The following GAB1 variants were observed in gnomAD, a reference collection of about 807,000 sequenced individuals.
The protein encoded by GAB1 is GRB2 associated binding protein 1.
A neutral mutation model predicts 66.5 loss-of-function variants in GAB1; 19 were observed. The ratio of observed to expected loss-of-function variants is 0.29; its 90% CI spans 0.20 to 0.42. The LOEUF (loss-of-function observed/expected upper bound fraction) is 0.42, where lower values mean the gene tolerates loss of function less well. Ranked by LOEUF, GAB1 falls within the 10% of genes least tolerant of loss-of-function variation. The probability of loss-of-function intolerance (pLI) is 1.00; values close to 1 mark genes in which losing one functional copy is unlikely to be tolerated. For synonymous variants in GAB1, 294 were observed against 301.4 expected (o/e 0.98, Z 0.25); for missense variants, 732 against 858.5 (o/e 0.85, Z 1.84).
In GAB1 at chr4:143,349,493, A is replaced by C; in HGVS notation, c.72+12233A>C. On this transcript the variant is annotated intron_variant, in intron 1 of 9. Coordinates refer to ENST00000262994, the MANE Select transcript of GAB1 (RefSeq NM_002039.4). ...GTGCAGCCCTGGGCTGGGGTGTAGC[A>C]GTCATCGATACCAGCCATCATGAGC... The C allele has an allele frequency of 4.6e-6, 7 of 1,527,170 alleles. No individual in the cohort carries two copies. The South Asian group carries it at 7.8e-5, about 17-fold the overall frequency. 94.6% of individuals were successfully genotyped at this position (1,527,170 alleles called of 1,614,324 possible). A position where few individuals can be genotyped will look rare whatever the true frequency, so the allele number is the denominator to read the frequency against.
chr4:143,363,236 C>A (rs1321550000), intron 1 of GAB1, among the ~76,000 whole-genome samples: 2 of 152,198 alleles, frequency 1.3e-5, no homozygotes, highest in East Asian at 3.8e-4. Flanking sequence ...TGCATTGTTT[C>A]TCTTAATAAT....
intron 2 of GAB1, among the ~76,000 whole-genome samples, chr4:143,422,380 T>G (rs1410837841): frequency 1.3e-5 from 2 of 152,068 alleles, no homozygotes; most frequent in Non-Finnish European, 2.9e-5. Flanking sequence ...TCAGAGAAAA[T>G]AAATGTATTT....
chr4:143,447,747 A>T (rs1388330477), intron 6 of GAB1, among the ~76,000 whole-genome samples: 1 of 152,084 alleles, frequency 6.6e-6, no homozygotes, highest in Non-Finnish European at 1.5e-5. Flanking sequence ...GGACAATTTG[A>T]CTTCCTCTTT....
intron 1 of GAB1, among the ~76,000 whole-genome samples, chr4:143,356,582 T>A (rs1300426352): frequency 6.6e-6 from 1 of 152,142 alleles, no homozygotes; most frequent in African/African-American, 2.4e-5. Context: ...CCTAACTGCT[T>A]ATTTTAAATT....
At chr4:143,460,058 A>C (rs1735406001) in intron 7 of GAB1, among the ~76,000 whole-genome samples, 1 of 152,126 alleles carries the variant, frequency 6.6e-6, no homozygotes, top group South Asian at 2.1e-4. Flanking sequence ...TTTTAAAAAA[A>C]TAGAAATTCT....
At chr4:143,411,380 A>G (rs3805238) in intron 1 of GAB1, among the ~76,000 whole-genome samples, 46,740 of 152,184 alleles carry the variant, frequency 0.31, 7,522 homozygotes, top group South Asian at 0.46. Flanking sequence ...AAGTTTTTAC[A>G]TAGTCCTTCT....
At chr4:143,409,255 C>T (rs932182045) in intron 1 of GAB1, among the ~76,000 whole-genome samples, 3 of 152,044 alleles carry the variant, frequency 2.0e-5, no homozygotes, top group Non-Finnish European at 2.9e-5. Context: ...AAACAAGGAC[C>T]ATGTGGGTGC....
intron 1 of GAB1, among the ~76,000 whole-genome samples, chr4:143,368,832 T>C (rs1384038887): frequency 6.6e-6 from 1 of 152,140 alleles, no homozygotes; most frequent in Non-Finnish European, 1.5e-5. Flanking sequence ...AGATAGAGGC[T>C]GGAGCACTAT....
chr4:143,380,853 T>C (rs1051366413), intron 1 of GAB1: 3 of 152,248 alleles, frequency 2.0e-5, no homozygotes, highest in African/African-American at 7.2e-5. Flanking sequence ...GCAGCAGCGC[T>C]GAGTGTATGC....
At chr4:143,416,499 A>C (rs1041287388) in intron 2 of GAB1, among the ~76,000 whole-genome samples, 2 of 152,108 alleles carry the variant, frequency 1.3e-5, no homozygotes, top group Non-Finnish European at 2.9e-5. Flanking sequence ...GGCCGGGCAC[A>C]GTGGCTCACA....
chr4:143,373,697 C>T (rs1029564441), intron 1 of GAB1, among the ~76,000 whole-genome samples: 6 of 151,542 alleles, frequency 4.0e-5, no homozygotes, highest in African/African-American at 1.5e-4. Context: ...GCCATGGTGG[C>T]ATGCGCCTGT....
intron 1 of GAB1, among the ~76,000 whole-genome samples, chr4:143,363,615 T>TA (rs1344915633): frequency 6.6e-6 from 1 of 152,128 alleles, no homozygotes; most frequent in Non-Finnish European, 1.5e-5. Context: ...AGCGGGAAGT[T>TA]ATGCTCGCCT....
chr4:143,367,178 A>G (rs1729917696), intron 1 of GAB1, among the ~76,000 whole-genome samples: 2 of 152,176 alleles, frequency 1.3e-5, no homozygotes, highest in South Asian at 4.1e-4. Context: ...ATTATTTCTA[A>G]TTGGGAAGCT....
intron 1 of GAB1, among the ~76,000 whole-genome samples, chr4:143,412,297 T>C (rs1204605717): frequency 6.6e-6 from 1 of 152,208 alleles, no homozygotes; most frequent in Non-Finnish European, 1.5e-5. Context: ...TTTGGTAAAG[T>C]TGTCTTAGTT....
At chr4:143,409,640 T>C (rs1397639359) in intron 1 of GAB1, among the ~76,000 whole-genome samples, 1 of 152,108 alleles carries the variant, frequency 6.6e-6, no homozygotes, top group Non-Finnish European at 1.5e-5. Context: ...GCAAGAGATA[T>C]TACAGAGCAG....
At chr4:143,457,581 A>T in intron 6 of GAB1, 1 of 560,084 alleles carries the variant, frequency 1.8e-6, no homozygotes, top group Non-Finnish European at 3.0e-6. Context: ...ACATTTTTGC[A>T]CAGGGCTCTG....
intron 1 of GAB1, among the ~76,000 whole-genome samples, chr4:143,389,955 T>A (rs1432980709): frequency 6.6e-6 from 1 of 152,184 alleles, no homozygotes; most frequent in Non-Finnish European, 1.5e-5. Context: ...TTTAAAAGTT[T>A]GGGAGGAGTG....
chr4:143,450,450 T>C (rs549342459), intron 6 of GAB1, among the ~76,000 whole-genome samples: 2 of 152,358 alleles, frequency 1.3e-5, no homozygotes, highest in East Asian at 3.9e-4. Flanking sequence ...GTGGAATTTA[T>C]GTAAGTAGTT....
chr4:143,364,059 G>A (rs1238857285), intron 1 of GAB1, among the ~76,000 whole-genome samples: 2 of 151,988 alleles, frequency 1.3e-5, no homozygotes, highest in African/African-American at 2.4e-5. Context: ...ATGGTGGCAG[G>A]CACCTGTAAT....
Sources: gnomAD v4.1 joint callset for allele counts (sites outside exome capture counted in the v4.1 genomes callset) on GRCh38, gnomAD v4.1.1 for gene constraint, MANE v1.5 for transcripts, NCBI Gene and HGNC (gene_info 2026-07-23, HGNC 2026-07-21) for gene names.